The following FAM53B variants were observed in gnomAD, a reference collection of about 807,000 sequenced individuals.
FAM53B encodes family with sequence similarity 53 member B, also known as protein FAM53B.
Under a neutral mutation model 32.7 loss-of-function variants are expected in FAM53B, and 12 were observed. The ratio of observed to expected loss-of-function variants is 0.37; its 90% CI spans 0.24 to 0.59. FAM53B has a LOEUF of 0.59. FAM53B is among the 20% of genes least tolerant of loss of function. The pLI, the probability that FAM53B is intolerant of heterozygous loss-of-function variation, is 0.72. For synonymous variants in FAM53B, 234 were observed against 228.7 expected (o/e 1.02, Z -0.21); for missense variants, 477 against 577.7 (o/e 0.83, Z 1.79).
At chr10:124,692,698 G>C (rs867123869) in intron 3 of FAM53B, among the ~76,000 whole-genome samples, 1 of 114,032 alleles carries the variant, frequency 8.8e-6, no homozygotes, top group Non-Finnish European at 1.6e-5. Context: ...CTAGGAGACA[G>C]AGCGATACTC....
At chr10:124,649,484 C>T (rs796723509) in intron 4 of FAM53B, among the ~76,000 whole-genome samples, 3 of 152,220 alleles carry the variant, frequency 2.0e-5, no homozygotes, top group Non-Finnish European at 4.4e-5. Context: ...CACCTCCAGG[C>T]AAGTCAGCAG....
rs57254391 is a variant in FAM53B at position 124,620,355 on chromosome 10, G to GCCCCCCCCCCCC, written c.*2886_*2887insGGGGGGGGGGGG. 2.2e-4 allele frequency: 29 copies of GCCCCCCCCCCCC among 130,774 alleles called. 3 individuals are homozygous for GCCCCCCCCCCCC. The highest frequency in any genetic ancestry group is 1.1e-3 in the East Asian group (4 of 3,756). 8.1% of individuals were successfully genotyped at this position (130,774 alleles called of 1,614,324 possible). ...ATGAGTGGGGTGCATGTGGCACTAAGCCCCCCCCACCGCCCCGGCTTTCCT... is the reference window on the plus strand; with the variant it reads ...ATGAGTGGGGTGCATGTGGCACTAAGCCCCCCCCCCCCCCCCCCCCACCGCCCCGGCTTTCCT... On this transcript the variant is annotated 3_prime_UTR_variant, in exon 5 of 5. Transcript: ENST00000337318.
chr10:124,723,949 T>C (rs1950086443), intron 1 of FAM53B, among the ~76,000 whole-genome samples: 1 of 152,228 alleles, frequency 6.6e-6, no homozygotes, highest in Admixed American at 6.5e-5. Context: ...TCTCTGGGCA[T>C]TATTTCCTCC....
At chr10:124,663,370 C>T (rs1949646294) in intron 4 of FAM53B, among the ~76,000 whole-genome samples, 1 of 152,200 alleles carries the variant, frequency 6.6e-6, no homozygotes. Flanking sequence ...GAGCAGGAGA[C>T]CAACATCAGA....
intron 1 of FAM53B, among the ~76,000 whole-genome samples, chr10:124,711,484 G>A (rs1181322513): frequency 1.3e-5 from 2 of 152,088 alleles, no homozygotes; most frequent in South Asian, 2.1e-4. Context: ...AGGGATATGC[G>A]AGATTTCTCT....
intron 2 of FAM53B, among the ~76,000 whole-genome samples, chr10:124,696,718 G>A (rs570581903): frequency 1.5e-4 from 23 of 152,256 alleles, no homozygotes; most frequent in Non-Finnish European, 2.8e-4. Context: ...GGAGAGCTCG[G>A]AAGGGCTGGC....
intron 4 of FAM53B, among the ~76,000 whole-genome samples, chr10:124,663,572 G>A (rs918475739): frequency 6.6e-6 from 1 of 152,206 alleles, no homozygotes; most frequent in Non-Finnish European, 1.5e-5. Flanking sequence ...GAAGGAGCTC[G>A]CGATGTACTT....
At chr10:124,711,130 G>A (rs1325002591) in intron 1 of FAM53B, among the ~76,000 whole-genome samples, 1 of 152,156 alleles carries the variant, frequency 6.6e-6, no homozygotes, top group East Asian at 1.9e-4. Context: ...AATACTACTC[G>A]GCAATAAGAA....
At chr10:124,731,058 GGAGTTCAAACGC>G (rs1950139375) in intron 1 of FAM53B, among the ~76,000 whole-genome samples, 3 of 152,140 alleles carry the variant, frequency 2.0e-5, no homozygotes, top group Admixed American at 1.3e-4. Flanking sequence ...CCTAAAGTTG[GGAGTTCAAACGC>G]CAGAACTACT....
At chr10:124,730,213 C>T (rs11245344) in intron 1 of FAM53B, among the ~76,000 whole-genome samples, 72,701 of 152,068 alleles carry the variant, frequency 0.48, 19,718 homozygotes, top group South Asian at 0.65. Flanking sequence ...AATGGTATAA[C>T]CCATCAGGCC....
chr10:124,632,350 C>T (rs998153753), intron 4 of FAM53B, among the ~76,000 whole-genome samples: 2 of 152,262 alleles, frequency 1.3e-5, no homozygotes, highest in African/African-American at 4.8e-5. Flanking sequence ...CCACCTCGCT[C>T]GCAGCTTGGC....
At chr10:124,708,072 A>G (rs1286668368) in intron 1 of FAM53B, 2 of 152,250 alleles carry the variant, frequency 1.3e-5, no homozygotes, top group African/African-American at 4.8e-5. Context: ...AGTCACACAG[A>G]TACAAGGAAC....
intron 1 of FAM53B, among the ~76,000 whole-genome samples, chr10:124,707,452 A>G (rs1210612041): frequency 6.6e-6 from 1 of 152,180 alleles, no homozygotes; most frequent in African/African-American, 2.4e-5. Flanking sequence ...AAAGGCATAC[A>G]TTTGGCCAGG....
Position 124,619,870 on chromosome 10 carries a change from C to G in FAM53B, c.*3372G>C, listed in dbSNP as rs951588912. On this transcript the variant is annotated 3_prime_UTR_variant, in exon 5 of 5. Transcript: ENST00000337318. Reference sequence around the variant, plus strand: ...ACCACCCCCATAGCCACAGACGGCACGTCAGTGGAAACGGGGGTGCAGCAG... The same window carrying G: ...ACCACCCCCATAGCCACAGACGGCAGGTCAGTGGAAACGGGGGTGCAGCAG... The G allele has an allele frequency of 6.6e-6, 1 of 152,428 alleles. No homozygotes were observed. The highest frequency in any genetic ancestry group is 2.4e-5 in the African/African-American group (1 of 41,420). 9.4% of individuals were successfully genotyped at this position (152,428 alleles called of 1,614,324 possible).
At chr10:124,694,203 G>A (rs1949853463) in intron 3 of FAM53B, among the ~76,000 whole-genome samples, 1 of 152,238 alleles carries the variant, frequency 6.6e-6, no homozygotes, top group Non-Finnish European at 1.5e-5. Flanking sequence ...AAGAGGAGAA[G>A]AGCCTGGGAC....
chr10:124,660,268 G>A (rs538152623), intron 4 of FAM53B, among the ~76,000 whole-genome samples: 32 of 152,132 alleles, frequency 2.1e-4, no homozygotes, highest in Non-Finnish European at 4.1e-4. Context: ...CAGAGCAAAC[G>A]ATCCATCCTC....
In FAM53B at chr10:124,622,754, T is replaced by A. The variant is rs1226306847; in HGVS notation, c.*488A>T. On this transcript the variant is annotated 3_prime_UTR_variant, in exon 5 of 5. Coordinates refer to ENST00000337318, the MANE Select transcript of FAM53B (RefSeq NM_014661.4). ...GAGACCTGGGAGAGAAGGCACGGAG[T>A]AAAACTGAGTGAAAGAAGCTGCGGG... The A allele has an allele frequency of 6.5e-6, 1 of 153,956 alleles. No homozygotes were observed. The highest frequency in any genetic ancestry group is 1.4e-5 in the Non-Finnish European group (1 of 69,412). 9.5% of individuals were successfully genotyped at this position (153,956 alleles called of 1,614,324 possible). A position where few individuals can be genotyped will look rare whatever the true frequency, so the allele number is the denominator to read the frequency against.
chr10:124,651,821 C>T lies in FAM53B; in HGVS notation c.907-28217G>A, dbSNP rs1949558473. Among the ~76,000 whole-genome samples the T allele has an allele frequency of 6.6e-6, 1 of 152,234 alleles. No individual in the cohort carries two copies. Among genetic ancestry groups the T allele is most frequent in the Admixed American group, 6.5e-5 (1 of 15,286 alleles). On this transcript the variant is annotated intron_variant, in intron 4 of 4. Transcript: ENST00000337318. This position sits in a 1 kb window ranked among gnomAD's most constrained non-coding sequence, Gnocchi z 5.2. ...ACCCCTGCTGTCTACTATGACTGGG[C>T]CTGGAACGTTCACGCCAGCCCCAGC...
chr10:124,636,984 A>G (rs1308454067), intron 4 of FAM53B, among the ~76,000 whole-genome samples: 1 of 152,076 alleles, frequency 6.6e-6, no homozygotes, highest in African/African-American at 2.4e-5. Flanking sequence ...TCAAAACAGA[A>G]GTCATAAGGA....
Sources: allele counts gnomAD v4.1 joint callset (sites outside exome capture counted in the v4.1 genomes callset), GRCh38; gene constraint gnomAD v4.1.1; non-coding constraint Gnocchi (gnomAD v3.1); transcripts MANE v1.5; gene names NCBI Gene and HGNC (gene_info 2026-07-23, HGNC 2026-07-21).